RBMS3: variants seen among roughly 807,000 people sequenced by gnomAD.
RBMS3 encodes the protein RNA-binding motif, single-stranded-interacting protein 3.
Under a neutral mutation model 66.8 loss-of-function variants are expected in RBMS3, and 27 were observed. The ratio of observed to expected loss-of-function variants is 0.40; its 90% CI spans 0.30 to 0.56. The LOEUF (loss-of-function observed/expected upper bound fraction) is 0.56. Among genes scored for constraint, RBMS3 ranks in the 20% least tolerant of loss-of-function variants. RBMS3 has a pLI of 0.40. For synonymous variants in RBMS3, 188 were observed against 183.0 expected (o/e 1.03, Z -0.22); for missense variants, 513 against 549.5 (o/e 0.93, Z 0.66).
Position 29,281,556 on chromosome 3 carries a change from G to T in RBMS3, c.-126G>T. 5.7e-6 allele frequency: 4 copies of T among 698,606 alleles called. No homozygotes were observed. Among genetic ancestry groups the T allele is most frequent in the Non-Finnish European group, 1.0e-5 (4 of 396,334 alleles). The allele number at this position is 698,606 out of a possible 1,614,324, so 43.3% of individuals were successfully genotyped here. ...TCTTGCTGTGTTGGAACTAGCGAGT[G>T]GTGGAGTCTCTGAAGCCTCATCAGT... On this transcript the variant is annotated 5_prime_UTR_variant, in exon 1 of 15. Transcript: ENST00000383767.
At chr3:29,833,737 G>A (rs1011655733) in intron 6 of RBMS3, among the ~76,000 whole-genome samples, 3 of 152,094 alleles carry the variant, frequency 2.0e-5, no homozygotes, top group African/African-American at 7.2e-5. Context: ...TCCAGAAGAA[G>A]AGACAGAAAA....
At chr3:29,399,388 T>C (rs1316268660) in intron 1 of RBMS3, among the ~76,000 whole-genome samples, 1 of 152,210 alleles carries the variant, frequency 6.6e-6, no homozygotes, top group Non-Finnish European at 1.5e-5. Context: ...TTGAGCATTG[T>C]GATTAACAAA....
At chr3:29,414,078 G>A (rs1358980687) in intron 1 of RBMS3, among the ~76,000 whole-genome samples, 1 of 152,120 alleles carries the variant, frequency 6.6e-6, no homozygotes, top group East Asian at 1.9e-4. Flanking sequence ...AGTCTTTTAA[G>A]GTTTTAGGAT....
intron 5 of RBMS3, among the ~76,000 whole-genome samples, chr3:29,744,479 A>G (rs2149356026): frequency 6.6e-6 from 1 of 152,314 alleles, no homozygotes; most frequent in South Asian, 2.1e-4. Flanking sequence ...ACAGTTCCAC[A>G]GGCATTATTA....
chr3:29,514,207 G>A (rs1002354917), intron 3 of RBMS3, among the ~76,000 whole-genome samples: 3 of 152,222 alleles, frequency 2.0e-5, no homozygotes, highest in Non-Finnish European at 2.9e-5. Flanking sequence ...CATTGTTAAG[G>A]ATGTAGCAAT....
At chr3:29,880,813 G>A (rs1345436755) in intron 7 of RBMS3, 12 of 1,535,574 alleles carry the variant, frequency 7.8e-6, no homozygotes, top group South Asian at 5.9e-5. Flanking sequence ...AGGCAAAATC[G>A]TGAAGTAGGT....
chr3:29,808,471 A>G (rs555792050), intron 6 of RBMS3, among the ~76,000 whole-genome samples: 12 of 152,146 alleles, frequency 7.9e-5, no homozygotes, highest in Non-Finnish European at 1.8e-4. Flanking sequence ...GGATTTTGCA[A>G]TTTGAAACAG....
At chr3:29,602,236 CAGA>C (rs1427991479) in intron 4 of RBMS3, among the ~76,000 whole-genome samples, 1 of 151,724 alleles carries the variant, frequency 6.6e-6, no homozygotes. Context: ...ATGCATTTGA[CAGA>C]AGAATTACAA....
At chr3:29,523,748 T>C (rs1337655528) in intron 3 of RBMS3, among the ~76,000 whole-genome samples, 1 of 152,146 alleles carries the variant, frequency 6.6e-6, no homozygotes, top group East Asian at 1.9e-4. Flanking sequence ...TGCCTTTTAA[T>C]AGTTGAGACA....
chr3:29,414,813 A>C (rs1328591787), intron 1 of RBMS3, among the ~76,000 whole-genome samples: 3 of 152,222 alleles, frequency 2.0e-5, no homozygotes, highest in Non-Finnish European at 2.9e-5. Context: ...TCGGGGCATA[A>C]ATAAAGCAAG....
At chr3:29,292,089 T>C (rs1039803451) in intron 1 of RBMS3, among the ~76,000 whole-genome samples, 1 of 151,752 alleles carries the variant, frequency 6.6e-6, no homozygotes, top group Non-Finnish European at 1.5e-5. Flanking sequence ...AATCACCCTA[T>C]GTTTTGATTC....
chr3:29,531,568 A>G (rs1296997758), intron 3 of RBMS3, among the ~76,000 whole-genome samples: 2 of 152,346 alleles, frequency 1.3e-5, no homozygotes, highest in Admixed American at 1.3e-4. Context: ...GGAATTTTGT[A>G]GCTAGAATAT....
intron 4 of RBMS3, among the ~76,000 whole-genome samples, chr3:29,668,193 G>A (rs1308428445): frequency 2.0e-5 from 3 of 152,188 alleles, no homozygotes; most frequent in Non-Finnish European, 4.4e-5. Context: ...TAGGACTGGA[G>A]GAGAAAAGAG....
chr3:29,677,353 A>G (rs1377173113), intron 4 of RBMS3, among the ~76,000 whole-genome samples: 1 of 152,218 alleles, frequency 6.6e-6, no homozygotes, highest in Non-Finnish European at 1.5e-5. Flanking sequence ...CTAACAAGCT[A>G]GATGCCTTAA....
intron 3 of RBMS3, among the ~76,000 whole-genome samples, chr3:29,505,226 T>C (rs2044136980): frequency 6.6e-6 from 1 of 151,920 alleles, no homozygotes; most frequent in African/African-American, 2.4e-5. Context: ...TTTGAGTTGA[T>C]TTTTGTATGT....
chr3:29,792,391 T>C (rs1242268070), intron 6 of RBMS3, among the ~76,000 whole-genome samples: 1 of 152,220 alleles, frequency 6.6e-6, no homozygotes, highest in African/African-American at 2.4e-5. Context: ...GTTCTTACTT[T>C]GAAATGCAGG....
intron 3 of RBMS3, among the ~76,000 whole-genome samples, chr3:29,507,027 C>T (rs1225510259): frequency 6.9e-6 from 1 of 145,070 alleles, no homozygotes; most frequent in African/African-American, 2.5e-5. Flanking sequence ...AAAAAAAACT[C>T]TTGGTTTTGT....
At chr3:29,358,201 C>T (rs530042116) in intron 1 of RBMS3, among the ~76,000 whole-genome samples, 7 of 152,280 alleles carry the variant, frequency 4.6e-5, no homozygotes, top group Non-Finnish European at 2.9e-5. Context: ...AGTCTTTAAT[C>T]CATCTTGAAT....
intron 1 of RBMS3, among the ~76,000 whole-genome samples, chr3:29,349,614 A>G (rs966093109): frequency 1.3e-5 from 2 of 152,180 alleles, no homozygotes; most frequent in African/African-American, 2.4e-5. Context: ...ATTGGTTTGC[A>G]CTAATTTTTA....
Sources: gnomAD v4.1 joint callset for allele counts (sites outside exome capture counted in the v4.1 genomes callset) on GRCh38, gnomAD v4.1.1 for gene constraint, MANE v1.5 for transcripts, NCBI Gene and HGNC (gene_info 2026-07-23, HGNC 2026-07-21) for gene names.